ADGRL2: variants seen among roughly 807,000 people sequenced by gnomAD.
ADGRL2 encodes the protein adhesion G protein-coupled receptor L2, also known as calcium-independent alpha-latrotoxin receptor 2.
In ADGRL2, 44 loss-of-function variants were observed where a neutral mutation model predicts 157.4. That is an observed-to-expected ratio of 0.28 (90% CI 0.22 to 0.36). ADGRL2 has a LOEUF of 0.36. ADGRL2 is among the 10% of genes least tolerant of loss of function. The pLI is 1.00. For synonymous variants in ADGRL2, 585 were observed against 624.7 expected (o/e 0.94, Z 0.95); for missense variants, 1,510 against 1,768.9 (o/e 0.85, Z 2.63).
intron 2 of ADGRL2, among the ~76,000 whole-genome samples, chr1:81,469,004 G>A (rs997089710): frequency 6.6e-6 from 1 of 152,108 alleles, no homozygotes; most frequent in Non-Finnish European, 1.5e-5. Context: ...CCCACATCAC[G>A]AGATGACTTC....
At chr1:81,938,721 A>G (rs1233946901) in intron 4 of ADGRL2, among the ~76,000 whole-genome samples, 4 of 151,608 alleles carry the variant, frequency 2.6e-5, no homozygotes, top group Non-Finnish European at 3.0e-5. Flanking sequence ...ACTCTACAGT[A>G]GTGACACTCT....
chr1:81,510,409 A>T (rs540485807), intron 2 of ADGRL2, among the ~76,000 whole-genome samples: 1 of 152,284 alleles, frequency 6.6e-6, no homozygotes, highest in East Asian at 1.9e-4. Flanking sequence ...AGGCTGAAAA[A>T]CAAAATTCCT....
intron 1 of ADGRL2, among the ~76,000 whole-genome samples, chr1:81,405,781 C>T (rs2076843625): frequency 6.6e-6 from 1 of 151,982 alleles, no homozygotes; most frequent in South Asian, 2.1e-4. Context: ...TCCACACCTC[C>T]CCCAAAAAAG....
chr1:81,822,153 T>G (rs116325671), intron 1 of ADGRL2, among the ~76,000 whole-genome samples: 143 of 151,754 alleles, frequency 9.4e-4, no homozygotes, highest in African/African-American at 3.3e-3. Flanking sequence ...GTCTGTCTTA[T>G]AATTTTGGAG....
chr1:81,945,475 G>C (rs1384860311), intron 6 of ADGRL2, among the ~76,000 whole-genome samples: 2 of 152,056 alleles, frequency 1.3e-5, no homozygotes, highest in East Asian at 3.9e-4. Context: ...ACAACCTGAA[G>C]AATTGTGAAT....
At chr1:81,844,366 C>A (rs759419538) in intron 2 of ADGRL2, among the ~76,000 whole-genome samples, 1 of 152,104 alleles carries the variant, frequency 6.6e-6, no homozygotes, top group Non-Finnish European at 1.5e-5. Context: ...AGCATTGAAG[C>A]TCTTCATTTT....
intron 1 of ADGRL2, among the ~76,000 whole-genome samples, chr1:81,736,060 A>G (rs1230357499): frequency 3.3e-5 from 5 of 150,750 alleles, no homozygotes; most frequent in African/African-American, 4.9e-5. Context: ...GGAGAATGGC[A>G]TGAATCCAAG....
Position 81,968,117 on chromosome 1 carries a change from T to A in ADGRL2, c.2441T>A (p.Val814Asp). ...GYWSTQGCKL[V>D]DTNKTRTTCA... is the part of the protein sequence containing the mutation. ...TGGTCTACCCAGGGCTGCAAGCTGG[T>A]TGACACTAATAAAACTCGAACAACG... The change falls in exon 14 of 24, where the codon GTT becomes GAT. Residue 814 changes from valine (V) to aspartate (D), a missense_variant. By Grantham distance (152) the Val-to-Asp change is radical. Coordinates refer to ENST00000686636, the MANE Select transcript of ADGRL2 (RefSeq NM_001366006.2). 1 of 1,613,420 alleles carries A rather than the reference T, an allele frequency of 6.2e-7. No individual in the cohort carries two copies. The highest frequency in any genetic ancestry group is 8.5e-7 in the Non-Finnish European group (1 of 1,179,776).
intron 3 of ADGRL2, among the ~76,000 whole-genome samples, chr1:81,622,359 G>A (rs1160319042): frequency 6.6e-6 from 1 of 152,134 alleles, no homozygotes; most frequent in African/African-American, 2.4e-5. Context: ...GAGGCTGGCG[G>A]ATCACAAGGT....
intron 1 of ADGRL2, among the ~76,000 whole-genome samples, chr1:81,761,434 T>C (rs1021706717): frequency 2.0e-5 from 3 of 152,002 alleles, no homozygotes; most frequent in African/African-American, 7.2e-5. Context: ...TATCAGGATG[T>C]GAGAAAACCA....
intron 3 of ADGRL2, among the ~76,000 whole-genome samples, chr1:81,658,521 T>A (rs546536089): frequency 6.6e-6 from 1 of 152,296 alleles, no homozygotes; most frequent in African/African-American, 2.4e-5. Context: ...ACCCAAATAG[T>A]GTACATTGTG....
chr1:81,781,183 G>A (rs1300500654), intron 2 of ADGRL2, among the ~76,000 whole-genome samples: 1 of 152,066 alleles, frequency 6.6e-6, no homozygotes, highest in East Asian at 1.9e-4. Flanking sequence ...TACACAGTAT[G>A]TTTGTTGAAG....
At position 81,969,312 on chromosome 1, in the gene ADGRL2, T is replaced by G; in HGVS notation, c.2658T>G (p.Ile886Met). The G allele has an allele frequency of 6.2e-7, 1 of 1,614,000 alleles. No homozygotes were observed. Among genetic ancestry groups the G allele is most frequent in the Non-Finnish European group, 8.5e-7 (1 of 1,179,910 alleles). Residue 886 changes from isoleucine (I) to methionine (M), a missense_variant, in exon 15 of 24, where the codon ATT becomes ATG. By Grantham distance (10) the Ile-to-Met change is conservative. This residue lies in a region of ADGRL2 where 497 missense variants were observed against 627.2 expected (regional missense o/e 0.79). Transcript: ENST00000686636. ...FRGLQSDRNT[I>M]HKNLCINLFI... ...GCCTACAGAGTGACCGAAATACTATTCACAAGAACCTTTGTATCAACCTTT... is the reference window on the plus strand; with the variant it reads ...GCCTACAGAGTGACCGAAATACTATGCACAAGAACCTTTGTATCAACCTTT...
intron 1 of ADGRL2, among the ~76,000 whole-genome samples, chr1:81,743,662 T>C (rs574699216): frequency 1.3e-5 from 2 of 152,192 alleles, no homozygotes; most frequent in East Asian, 1.9e-4. Flanking sequence ...TAACCTACTG[T>C]GACTTATAAC....
intron 1 of ADGRL2, among the ~76,000 whole-genome samples, chr1:81,335,592 A>G (rs1239354833): frequency 6.6e-6 from 1 of 152,228 alleles, no homozygotes; most frequent in Admixed American, 6.5e-5. Flanking sequence ...AGATGAACAA[A>G]TACAGGATTA....
At chr1:81,420,899 A>G (rs983176751) in intron 1 of ADGRL2, among the ~76,000 whole-genome samples, 2 of 152,210 alleles carry the variant, frequency 1.3e-5, no homozygotes, top group Admixed American at 1.3e-4. Flanking sequence ...GAGTAAAAGC[A>G]CTGTGGTGTA....
chr1:81,344,666 C>CAAAAAAA (rs71592731), intron 1 of ADGRL2, among the ~76,000 whole-genome samples: 1 of 55,994 alleles, frequency 1.8e-5, no homozygotes, highest in Admixed American at 2.1e-4. Context: ...AACTCTGTCT[C>CAAAAAAA]AAAAAAAAAA....
chr1:81,762,108 A>G (rs1436644932), intron 2 of ADGRL2, among the ~76,000 whole-genome samples: 1 of 152,136 alleles, frequency 6.6e-6, no homozygotes, highest in Non-Finnish European at 1.5e-5. Context: ...AGTTGAACAT[A>G]GTATATCCAA....
At chr1:81,942,432 G>C (rs937037193) in intron 5 of ADGRL2, among the ~76,000 whole-genome samples, 3 of 151,828 alleles carry the variant, frequency 2.0e-5, no homozygotes, top group South Asian at 2.1e-4. Flanking sequence ...ACTTTTCTGT[G>C]CTCCTAATTG....
Sources: allele counts gnomAD v4.1 joint callset (sites outside exome capture counted in the v4.1 genomes callset), GRCh38; gene constraint gnomAD v4.1.1; regional missense constraint gnomAD v4.1.1; transcripts MANE v1.5; gene names NCBI Gene and HGNC (gene_info 2026-07-23, HGNC 2026-07-21).